Variants in KLHL3 observed in about 807,000 individuals in gnomAD.
KLHL3 encodes kelch-like protein 3.
Under a neutral mutation model 70.5 loss-of-function variants are expected in KLHL3, and 19 were observed. The ratio of observed to expected loss-of-function variants is 0.27; its 90% CI spans 0.19 to 0.40. The LOEUF (loss-of-function observed/expected upper bound fraction) is 0.40, where lower values mean the gene tolerates loss of function less well. KLHL3 is among the 10% of genes least tolerant of loss of function. The pLI is 1.00. For missense variants in KLHL3, 512 were observed against 771.1 expected, an observed-to-expected ratio of 0.66 and a Z score of 3.98; for synonymous variants, 258 against 290.3, an observed-to-expected ratio of 0.89 and a Z score of 1.13.
intron 2 of KLHL3, among the ~76,000 whole-genome samples, chr5:137,717,534 A>T (rs1470094304): frequency 6.6e-6 from 1 of 152,216 alleles, no homozygotes; most frequent in Non-Finnish European, 1.5e-5. Context: ...CTGCCTCAAA[A>T]AAATAAAAAT....
Position 137,635,916 on chromosome 5 carries a change from C to T in KLHL3, c.1321+1378G>A, listed in dbSNP as rs566362620. Among the ~76,000 whole-genome samples the T allele has an allele frequency of 3.9e-5, 6 of 152,308 alleles. No homozygotes were observed. In the South Asian group the frequency reaches 1.2e-3, roughly 32 times the overall value. On this transcript the variant is annotated intron_variant, in intron 11 of 14. Coordinates refer to ENST00000309755, the MANE Select transcript of KLHL3 (RefSeq NM_017415.3). ...CTCTAACCCCCATCAACCATTCCAT[C>T]TGCATCAGCTGAAAAAATATGCACT...
At chr5:137,683,714 T>C (rs1752089182) in intron 5 of KLHL3, among the ~76,000 whole-genome samples, 1 of 151,998 alleles carries the variant, frequency 6.6e-6, no homozygotes, top group Non-Finnish European at 1.5e-5. Context: ...CCAGAAATAT[T>C]ATGTGTTGTC....
chr5:137,625,601 G>A, intron 14 of KLHL3, 152 bp downstream of exon 14: 6 of 733,008 alleles, frequency 8.2e-6, no homozygotes, highest in Non-Finnish European at 1.4e-5. Flanking sequence ...AAGGAGTGGT[G>A]GCCATGTAAC....
intron 3 of KLHL3, among the ~76,000 whole-genome samples, chr5:137,702,807 T>TA: frequency 6.6e-6 from 1 of 152,126 alleles, no homozygotes; most frequent in South Asian, 2.1e-4. Context: ...GCCTTGCACT[T>TA]AGCAGCCTCT....
chr5:137,681,280 G>A lies in KLHL3; in HGVS notation c.527-3626C>T, dbSNP rs895869471. On this transcript the variant is annotated intron_variant, in intron 5 of 14. Transcript: ENST00000309755. The stretch of plus-strand genomic sequence containing the variant: ...AGGTGCTAGATAACTCTTAACGTAT[G>A]ATGTATCAAATGCAGCATTTCTTCA... Among the ~76,000 whole-genome samples, 8 of 152,126 alleles carry A rather than the reference G, an allele frequency of 5.3e-5. No individual in the cohort carries two copies. In the East Asian group the frequency reaches 1.4e-3, roughly 26 times the overall value.
chr5:137,677,544 C>T lies in KLHL3; in HGVS notation c.636+1G>A. The T allele has an allele frequency of 6.3e-7, 1 of 1,584,136 alleles. No individual in the cohort carries two copies. Among genetic ancestry groups the T allele is most frequent in the Non-Finnish European group, 8.6e-7 (1 of 1,160,000 alleles). The stretch of plus-strand genomic sequence containing the variant: ...CGTTTCCCCAGTGAGCCATGTCATA[C>T]CTTCTCTTCTGAAGAAACGGTCAGC... On this transcript the variant is annotated splice_donor_variant, in intron 6 of 14. Transcript: ENST00000309755. LOFTEE classifies it high-confidence loss of function.
intron 8 of KLHL3, among the ~76,000 whole-genome samples, chr5:137,654,284 C>A (rs550722477): frequency 1.3e-5 from 2 of 152,320 alleles, no homozygotes; most frequent in Admixed American, 1.3e-4. Flanking sequence ...AAAATAATCT[C>A]TTTAAACCGC....
intron 6 of KLHL3, among the ~76,000 whole-genome samples, chr5:137,670,922 G>A (rs1454954128): frequency 6.7e-6 from 1 of 149,436 alleles, no homozygotes; most frequent in East Asian, 2.0e-4. Context: ...GCAGTGAGCC[G>A]AGATCGTGCC....
intron 1 of KLHL3, among the ~76,000 whole-genome samples, chr5:137,727,962 A>G (rs1243793462): frequency 6.6e-6 from 1 of 152,202 alleles, no homozygotes; most frequent in Non-Finnish European, 1.5e-5. Flanking sequence ...GCCACCGAAC[A>G]TGAGATTTGG....
At chr5:137,635,037 T>C (rs2149882336) in intron 11 of KLHL3, among the ~76,000 whole-genome samples, 1 of 152,286 alleles carries the variant, frequency 6.6e-6, no homozygotes, top group South Asian at 2.1e-4. Context: ...TATCACCAAA[T>C]GCAAATCTAT....
intron 6 of KLHL3, among the ~76,000 whole-genome samples, chr5:137,668,013 A>G (rs1335277787): frequency 6.6e-6 from 1 of 152,240 alleles, no homozygotes; most frequent in Non-Finnish European, 1.5e-5. Context: ...ACAAGGTCAC[A>G]CTGCCAGGAA....
intron 6 of KLHL3, among the ~76,000 whole-genome samples, chr5:137,662,250 C>T (rs1405315750): frequency 2.7e-5 from 4 of 148,716 alleles, no homozygotes; most frequent in Non-Finnish European, 6.0e-5. Flanking sequence ...TACACACACA[C>T]ACACACACAC....
At chr5:137,679,130 A>G (rs1751960961) in intron 5 of KLHL3, among the ~76,000 whole-genome samples, 1 of 122,244 alleles carries the variant, frequency 8.2e-6, no homozygotes, top group African/African-American at 2.7e-5. Context: ...ATCTTAAAAT[A>G]AAAGCAAGAG....
intron 6 of KLHL3, 82 bp from the exon 7 acceptor site, chr5:137,662,113 AAAG>A: frequency 1.6e-6 from 1 of 610,700 alleles, no homozygotes; most frequent in South Asian, 1.9e-5. Flanking sequence ...AAAAAAAAAA[AAAG>A]AGAGAGAGAA....
At chr5:137,664,345 G>T (rs1405814308) in intron 6 of KLHL3, among the ~76,000 whole-genome samples, 1 of 149,768 alleles carries the variant, frequency 6.7e-6, no homozygotes, top group African/African-American at 2.5e-5. Context: ...GTGAGACCCT[G>T]TCTCAAAAAA....
chr5:137,630,501 A>G lies in KLHL3; in HGVS notation c.1451-2064T>C, dbSNP rs527285203. On this transcript the variant is annotated intron_variant, in intron 12 of 14. Transcript: ENST00000309755. Reference sequence around the variant, plus strand: ...GCTGCCTCCCCAGGCTTTCGGCCCTAGGAGCAGTCACACATCTCAGGGTGT... The same window carrying G: ...GCTGCCTCCCCAGGCTTTCGGCCCTGGGAGCAGTCACACATCTCAGGGTGT... 3.3e-5 allele frequency among the ~76,000 whole-genome samples: 5 copies of G among 152,188 alleles called. No individual in the cohort carries two copies. In the South Asian group the frequency reaches 1.0e-3, roughly 32 times the overall value.
chr5:137,724,951 T>A, intron 1 of KLHL3: 1 of 644,014 alleles, frequency 1.6e-6, no homozygotes, highest in South Asian at 6.9e-5. Context: ...AGTGCATGCA[T>A]GTACATAAAT....
chr5:137,627,474 A>ACCCCCCCCCCCCCC lies in KLHL3; in HGVS notation c.1591+822_1591+823insGGGGGGGGGGGGGG, dbSNP rs1215063936. ...GGCAATGAGTAAATTAGTAAATATCACCACCCCCCCCCCCGGTTTACACTT... is the reference window on the plus strand; with the variant it reads ...GGCAATGAGTAAATTAGTAAATATCACCCCCCCCCCCCCCCCACCCCCCCCCCCGGTTTACACTT... On this transcript the variant is annotated intron_variant, in intron 13 of 14. Coordinates refer to ENST00000309755, the MANE Select transcript of KLHL3 (RefSeq NM_017415.3). 1.7e-4 allele frequency among the ~76,000 whole-genome samples: 9 copies of ACCCCCCCCCCCCCC among 53,104 alleles called. 3 individuals carry two copies. Among genetic ancestry groups the ACCCCCCCCCCCCCC allele is most frequent in the Admixed American group, 4.1e-4 (2 of 4,896 alleles). The allele number at this position is 53,104 out of a possible 152,430, so 34.8% of individuals were successfully genotyped here.
chr5:137,727,373 A>G (rs372865883), intron 1 of KLHL3, among the ~76,000 whole-genome samples: 1 of 152,086 alleles, frequency 6.6e-6, no homozygotes, highest in South Asian at 2.1e-4. Flanking sequence ...GGATTATTAT[A>G]ATAACCTCCT....
Sources: allele counts gnomAD v4.1 joint callset (sites outside exome capture counted in the v4.1 genomes callset), GRCh38; gene constraint gnomAD v4.1.1; transcripts MANE v1.5; gene names NCBI Gene and HGNC (gene_info 2026-07-23, HGNC 2026-07-21).